NTM: variants seen among roughly 807,000 people sequenced by gnomAD.
NTM encodes neurotrimin, also known as IgLON family member 2.
NTM carries 13 observed loss-of-function variants against 42.1 expected under a neutral mutation model. That is an observed-to-expected ratio of 0.31 (90% CI 0.20 to 0.49). NTM has a LOEUF of 0.49. Among genes scored for constraint, NTM ranks in the 20% least tolerant of loss-of-function variants. The pLI, the probability that NTM is intolerant of heterozygous loss-of-function variation, is 0.99. For synonymous variants in NTM, 187 were observed against 179.2 expected, an observed-to-expected ratio of 1.04 and a Z score of -0.35; for missense variants, 373 against 452.8, an observed-to-expected ratio of 0.82 and a Z score of 1.60.
At chr11:132,032,554 G>T (rs1458459492) in intron 2 of NTM, among the ~76,000 whole-genome samples, 2 of 152,120 alleles carry the variant, frequency 1.3e-5, no homozygotes, top group Non-Finnish European at 2.9e-5. Flanking sequence ...GATTGGGGAG[G>T]TAAGAGCCAT....
intron 2 of NTM, among the ~76,000 whole-genome samples, chr11:131,949,248 A>G (rs2060712513): frequency 6.6e-6 from 1 of 152,196 alleles, no homozygotes; most frequent in Admixed American, 6.5e-5. Context: ...TCATTCATCT[A>G]TTGATTGACA....
chr11:131,588,166 G>T (rs2059043065), intron 1 of NTM, among the ~76,000 whole-genome samples: 1 of 152,144 alleles, frequency 6.6e-6, no homozygotes, highest in South Asian at 2.1e-4. Context: ...CAAATAAAAG[G>T]GTTAAGACAC....
At chr11:131,935,238 A>C (rs1011928798) in intron 2 of NTM, among the ~76,000 whole-genome samples, 1 of 152,214 alleles carries the variant, frequency 6.6e-6, no homozygotes, top group Non-Finnish European at 1.5e-5. Context: ...GGGTATTTAC[A>C]TAATGAACTA....
intron 1 of NTM, among the ~76,000 whole-genome samples, chr11:131,724,539 C>G (rs1203043389): frequency 6.6e-6 from 1 of 152,126 alleles, no homozygotes; most frequent in Non-Finnish European, 1.5e-5. Context: ...GAGCCCAGAA[C>G]CCTGTTGAAA....
At chr11:132,322,578 T>C (rs1482436646) in intron 7 of NTM, among the ~76,000 whole-genome samples, 4 of 99,954 alleles carry the variant, frequency 4.0e-5, no homozygotes, top group Non-Finnish European at 2.1e-5. Context: ...ACATTAATAA[T>C]GGGAGACTTT....
intron 2 of NTM, among the ~76,000 whole-genome samples, chr11:131,921,016 C>CT (rs924969814): frequency 6.6e-6 from 1 of 152,088 alleles, no homozygotes. Context: ...AATTCTAACC[C>CT]TTCAGAAGCT....
At chr11:131,444,203 C>CAAAAAAAAAAAAAAAAAAAAAAAA (rs71475757) in intron 1 of NTM, among the ~76,000 whole-genome samples, 1 of 49,504 alleles carries the variant, frequency 2.0e-5, no homozygotes, top group Admixed American at 3.3e-4. Context: ...AGGTTAGAAC[C>CAAAAAAAAAAAAAAAAAAAAAAAA]AAAAAAAAAA....
chr11:131,719,522 T>C (rs1416416006), intron 1 of NTM, among the ~76,000 whole-genome samples: 1 of 152,140 alleles, frequency 6.6e-6, no homozygotes, highest in Non-Finnish European at 1.5e-5. Context: ...CCCATAGCCT[T>C]GCAGGCTTAC....
intron 1 of NTM, among the ~76,000 whole-genome samples, chr11:131,563,549 T>A (rs2056493728): frequency 6.6e-6 from 1 of 151,758 alleles, no homozygotes; most frequent in South Asian, 2.1e-4. Flanking sequence ...CTGAACTTGC[T>A]TTCTATTTCT....
chr11:131,795,254 T>C (rs532819810), intron 1 of NTM: 63 of 451,832 alleles, frequency 1.4e-4, no homozygotes, highest in Middle Eastern at 1.1e-3. Flanking sequence ...ATTTGAAAAA[T>C]AGGATAATCA....
At chr11:131,371,281 C>T (rs1941138102) in intron 1 of NTM, among the ~76,000 whole-genome samples, 1 of 152,148 alleles carries the variant, frequency 6.6e-6, no homozygotes, top group Admixed American at 6.5e-5. Flanking sequence ...GAAGAAATTA[C>T]AAGAGGAAAC....
chr11:131,481,120 T>G (rs747870742), intron 1 of NTM, among the ~76,000 whole-genome samples: 2 of 152,140 alleles, frequency 1.3e-5, no homozygotes, highest in Non-Finnish European at 2.9e-5. Context: ...TTGATACTGA[T>G]GGATTGTGAA....
At chr11:132,206,242 C>T (rs2081974283) in intron 3 of NTM, among the ~76,000 whole-genome samples, 1 of 152,138 alleles carries the variant, frequency 6.6e-6, no homozygotes, top group South Asian at 2.1e-4. Context: ...TTTTAAAAAA[C>T]TTCAAATGCT....
intron 2 of NTM, among the ~76,000 whole-genome samples, chr11:132,132,655 C>T (rs548233373): frequency 6.6e-5 from 10 of 152,292 alleles, no homozygotes; most frequent in African/African-American, 2.2e-4. Flanking sequence ...TCAATACTTA[C>T]ATGGACCCTC....
intron 2 of NTM, among the ~76,000 whole-genome samples, chr11:131,958,542 G>C (rs535846409): frequency 2.4e-4 from 36 of 152,282 alleles, no homozygotes; most frequent in African/African-American, 8.7e-4. Context: ...TGGAATCACT[G>C]GCTTTAATCT....
chr11:131,667,983 T>C (rs2069382610), intron 1 of NTM, among the ~76,000 whole-genome samples: 1 of 152,224 alleles, frequency 6.6e-6, no homozygotes, highest in African/African-American at 2.4e-5. Flanking sequence ...TGCAATCCAC[T>C]TCTGGTGCCT....
At chr11:131,911,010 A>G (rs2054807249) in intron 1 of NTM, 10 of 1,003,128 alleles carry the variant, frequency 1.0e-5, no homozygotes, top group Non-Finnish European at 1.2e-5. Flanking sequence ...CGAAACTTAC[A>G]AAGTGTTGGA....
At chr11:131,911,343 T>C in intron 1 of NTM, 4 of 1,502,948 alleles carry the variant, frequency 2.7e-6, no homozygotes, top group Non-Finnish European at 3.6e-6. Context: ...CGCGCTTTTC[T>C]CCTCCCCGCG....
At chr11:132,105,868 G>A (rs1015987787) in intron 2 of NTM, among the ~76,000 whole-genome samples, 3 of 152,116 alleles carry the variant, frequency 2.0e-5, no homozygotes, top group Admixed American at 2.0e-4. Context: ...GAGAAAGAGG[G>A]GATGTTCTAG....
Sources: gnomAD v4.1 joint callset for allele counts (sites outside exome capture counted in the v4.1 genomes callset) on GRCh38, gnomAD v4.1.1 for gene constraint, MANE v1.5 for transcripts, NCBI Gene and HGNC (gene_info 2026-07-23, HGNC 2026-07-21) for gene names.